HARS1: variants seen among roughly 807,000 people sequenced by gnomAD.
The protein encoded by HARS1 is histidine--tRNA ligase, cytoplasmic.
In HARS1, 45 loss-of-function variants were observed where a neutral mutation model predicts 63.6. That is an observed-to-expected ratio of 0.71 (90% CI 0.56 to 0.91). The LOEUF is 0.91. HARS1 is among the 40% of genes least tolerant of loss of function. The probability of loss-of-function intolerance (pLI) is 0.00; values close to 1 mark genes in which losing one functional copy is unlikely to be tolerated. For missense variants in HARS1, 508 were observed against 643.2 expected (o/e 0.79, Z 2.27); for synonymous variants, 205 against 247.1 (o/e 0.83, Z 1.60).
intron 2 of HARS1, chr5:140,684,310 CA>C (rs199897593): frequency 1.7e-6 from 1 of 597,056 alleles, no homozygotes; most frequent in Non-Finnish European, 2.0e-6. Flanking sequence ...AAAACAAAAA[CA>C]AACCCAACCA....
chr5:140,679,453 C>CAAGCTACAAGATT lies in HARS1; in HGVS notation c.397-327_397-326insAATCTTGTAGCTT. ...ATGGGATTTCTAAGCAGATGATTCTCTGTGTAGCTTGGAGACAAGGGAAAT... is the reference window on the plus strand; with the variant it reads ...ATGGGATTTCTAAGCAGATGATTCTCAAGCTACAAGATTTGTGTAGCTTGGAGACAAGGGAAAT... On this transcript the variant is annotated intron_variant, in intron 4 of 12. Transcript: ENST00000504156. This position sits in a 1 kb window ranked among gnomAD's most constrained non-coding sequence, Gnocchi z 4.3. 1 of 405,956 alleles carries CAAGCTACAAGATT rather than the reference C, an allele frequency of 2.5e-6. No homozygotes were observed. The highest frequency in any genetic ancestry group is 3.9e-5 in the South Asian group (1 of 25,766). The allele number at this position is 405,956 out of a possible 1,614,324, so 25.1% of individuals were successfully genotyped here. A position where few individuals can be genotyped will look rare whatever the true frequency, so the allele number is the denominator to read the frequency against.
chr5:140,688,303 A>G (rs1017494644), intron 2 of HARS1, among the ~76,000 whole-genome samples: 1 of 152,228 alleles, frequency 6.6e-6, no homozygotes, highest in Non-Finnish European at 1.5e-5. Flanking sequence ...CAATATAGAG[A>G]ATAGTATTAC....
Position 140,673,954 on chromosome 5 carries a change from G to A in HARS1, c.*303C>T. ...ACCTTTGGCAATTGGTGGTGGGGAG[G>A]CATCTGCTCCAACTGGTGCGGGGCC... On this transcript the variant is annotated 3_prime_UTR_variant, in exon 13 of 13. Coordinates refer to ENST00000504156, the MANE Select transcript of HARS1 (RefSeq NM_002109.6). 1.8e-6 allele frequency: 1 copy of A among 563,914 alleles called. No homozygotes were observed. Among genetic ancestry groups the A allele is most frequent in the East Asian group, 3.1e-5 (1 of 32,370 alleles). The allele number at this position is 563,914 out of a possible 1,614,324, so 34.9% of individuals were successfully genotyped here. A position where few individuals can be genotyped will look rare whatever the true frequency, so the allele number is the denominator to read the frequency against.
Position 140,677,698 on chromosome 5 carries a change from C to T in HARS1, c.686G>A (p.Ser229Asn). Residue 229 changes from serine (S) to asparagine (N), a missense_variant, in exon 7 of 13, where the codon AGC becomes AAC. Ser to Asn is a conservative substitution (Grantham distance 46). Coordinates refer to ENST00000504156, the MANE Select transcript of HARS1 (RefSeq NM_002109.6). ...TGAGGAGCAGATGGTACGGAACTTG[C>T]TGTCAGAAACACCACAGATAGCAAA... ...GMFAICGVSD[S>N]KFRTICSSVD... 5 of 1,612,132 alleles carry T rather than the reference C, an allele frequency of 3.1e-6. No homozygotes were observed. The highest frequency in any genetic ancestry group is 4.2e-6 in the Non-Finnish European group (5 of 1,179,360).
intron 2 of HARS1, among the ~76,000 whole-genome samples, chr5:140,689,639 T>C (rs1451099551): frequency 2.0e-5 from 3 of 152,188 alleles, no homozygotes; most frequent in Non-Finnish European, 4.4e-5. Context: ...CTGAATGGTT[T>C]TGATCCACAG....
intron 2 of HARS1, 145 bp from the exon 3 acceptor site, chr5:140,683,364 AACAAGT>A: frequency 1.0e-6 from 1 of 957,458 alleles, no homozygotes; most frequent in Non-Finnish European, 1.5e-6. Flanking sequence ...TGAGTTTTAA[AACAAGT>A]ACAAATAATT....
rs1295743542 is a variant in HARS1 at position 140,674,067 on chromosome 5, T to G, written c.*190A>C. On this transcript the variant is annotated 3_prime_UTR_variant, in exon 13 of 13. Transcript: ENST00000504156. ...TCCTGGGCCTTGTATGAAAAAGGTG[T>G]TGTACCTGGCCGTTTTTGCCAGTAA... 6.0e-6 allele frequency: 4 copies of G among 661,984 alleles called. No individual in the cohort carries two copies. The highest frequency in any genetic ancestry group is 1.7e-5 in the South Asian group (1 of 57,812). The allele number at this position is 661,984 out of a possible 1,614,324, so 41.0% of individuals were successfully genotyped here. A position where few individuals can be genotyped will look rare whatever the true frequency, so the allele number is the denominator to read the frequency against.
At position 140,674,706 on chromosome 5, in the gene HARS1, C is replaced by T. The variant is rs1179291924; in HGVS notation, c.1431G>A (p.Lys477=). The T allele has an allele frequency of 1.9e-6, 3 of 1,614,128 alleles. No individual in the cohort carries two copies. Among genetic ancestry groups the T allele is most frequent in the East Asian group, 2.2e-5 (1 of 44,900 alleles). Residue 477 remains lysine (K), a synonymous_variant, in exon 12 of 13, where the codon AAG becomes AAA. Transcript: ENST00000504156. ...CTTCCCTGCTCGTCACTGAACGGAG[C>T]TTGATGACCCCATCCTTGAGTTCCT... is the stretch of plus-strand genomic sequence containing the variant. ...GEQELKDGVI[K]LRSVTSREEV...
intron 2 of HARS1, chr5:140,687,852 C>G (rs1759131592): frequency 6.6e-6 from 1 of 152,182 alleles, no homozygotes; most frequent in African/African-American, 2.4e-5. Context: ...CCTGTAATCC[C>G]AGCACTTTAG....
intron 7 of HARS1, 29 bp from the exon 8 acceptor site, chr5:140,677,449 C>T (rs1758449396): frequency 1.9e-6 from 3 of 1,542,072 alleles, no homozygotes; most frequent in African/African-American, 2.7e-5. Context: ...GTCAGGGACC[C>T]CTGGGCAGCT....
intron 3 of HARS1, among the ~76,000 whole-genome samples, chr5:140,680,268 T>G (rs1758645740): frequency 6.6e-6 from 1 of 151,740 alleles, no homozygotes; most frequent in Non-Finnish European, 1.5e-5. Context: ...TGCCTCAGCC[T>G]CCAGAGTGGC....
chr5:140,677,345 C>A lies in HARS1; in HGVS notation c.805G>T (p.Asp269Tyr). Reference protein sequence around the residue: ...LAPEVADRIGDYVQQHGGVSL... With the variant: ...LAPEVADRIGYYVQQHGGVSL... ...TCCTCACCATGTTGCTGGACATAGT[C>A]CCCAATGCGGTCAGCCACCTCAGGT... Residue 269 changes from aspartate (D) to tyrosine (Y), a missense_variant, in exon 8 of 13, where the codon GAC (aspartate) becomes TAC (tyrosine). Physicochemically the swap from Asp to Tyr is radical, Grantham distance 160. Coordinates refer to ENST00000504156, the MANE Select transcript of HARS1 (RefSeq NM_002109.6). The A allele has an allele frequency of 6.2e-7, 1 of 1,612,420 alleles. No homozygotes were observed.
chr5:140,682,987 C>T, intron 3 of HARS1, 113 bp downstream of exon 3: 1 of 916,276 alleles, frequency 1.1e-6, no homozygotes, highest in Non-Finnish European at 1.7e-6. Flanking sequence ...AAAGACTGGT[C>T]TGTGTCCACA....
chr5:140,683,317 G>T, intron 2 of HARS1, 98 bp from the exon 3 acceptor site: 1 of 1,268,936 alleles, frequency 7.9e-7, no homozygotes, highest in Non-Finnish European at 1.1e-6. Context: ...TAATGAAAAA[G>T]CAAATCCTGC....
chr5:140,674,574 G>T, intron 12 of HARS1, 105 bp downstream of exon 12: 1 of 1,268,874 alleles, frequency 7.9e-7, no homozygotes, highest in Non-Finnish European at 1.1e-6. Context: ...TTTATGAGTT[G>T]TACTAATATC....
intron 2 of HARS1, among the ~76,000 whole-genome samples, chr5:140,686,539 G>A (rs978256980): frequency 2.0e-5 from 3 of 147,622 alleles, no homozygotes. Flanking sequence ...ACACCCAGTA[G>A]AAAACTCTTT....
In HARS1 at chr5:140,676,362, A is replaced by G. The variant is rs569064510; in HGVS notation, c.1194+292T>C. Reference sequence around the variant, plus strand: ...GGCACAAGGCAGTAAAATGTTAAGTATTCCGTATCATGAGGAAGATCTAAG... The same window carrying G: ...GGCACAAGGCAGTAAAATGTTAAGTGTTCCGTATCATGAGGAAGATCTAAG... On this transcript the variant is annotated intron_variant, in intron 10 of 12. Coordinates refer to ENST00000504156, the MANE Select transcript of HARS1 (RefSeq NM_002109.6). This position sits in a 1 kb window ranked among gnomAD's most constrained non-coding sequence, Gnocchi z 4.1. The G allele has an allele frequency of 2.0e-4, 76 of 384,510 alleles. No individual in the cohort carries two copies. The highest frequency in any genetic ancestry group is 7.2e-4 in the Middle Eastern group (1 of 1,392). The allele number at this position is 384,510 out of a possible 1,614,324, so 23.8% of individuals were successfully genotyped here. A position where few individuals can be genotyped will look rare whatever the true frequency, so the allele number is the denominator to read the frequency against.
At chr5:140,683,266 C>A in intron 2 of HARS1, 47 bp from the exon 3 acceptor site, 1 of 1,593,958 alleles carries the variant, frequency 6.3e-7, no homozygotes, top group Non-Finnish European at 8.6e-7. Context: ...GTTTGAAAAC[C>A]AAGAACAATA....
chr5:140,683,506 A>T, intron 2 of HARS1: 1 of 1,155,748 alleles, frequency 8.7e-7, no homozygotes, highest in Admixed American at 4.3e-5. Flanking sequence ...ACTCTCTCTC[A>T]GATAACAGAA....
Sources: gnomAD v4.1 joint callset for allele counts (sites outside exome capture counted in the v4.1 genomes callset) on GRCh38, gnomAD v4.1.1 for gene constraint, Gnocchi (gnomAD v3.1) non-coding constraint, MANE v1.5 for transcripts, NCBI Gene and HGNC (gene_info 2026-07-23, HGNC 2026-07-21) for gene names.